Variants in RNF170 observed in about 807,000 individuals in gnomAD.
RNF170 encodes ring finger protein 170.
In RNF170, 12 loss-of-function variants were observed where a neutral mutation model predicts 32.7. The ratio of observed to expected loss-of-function variants is 0.37; its 90% CI spans 0.24 to 0.60. The LOEUF (loss-of-function observed/expected upper bound fraction) is 0.60, where lower values mean the gene tolerates loss of function less well. RNF170 is among the 20% of genes least tolerant of loss of function. The pLI is 0.72. For synonymous variants in RNF170, 91 were observed against 103.6 expected (o/e 0.88, Z 0.74); for missense variants, 212 against 311.2 (o/e 0.68, Z 2.40).
Position 42,853,302 on chromosome 8 carries a change from GT to G in RNF170, c.*2856del. ...AACAGAAAAATAACACCTTTAAAAT[GT>G]TTTAGATATGTTGCTTTTATTCAAA... On this transcript the variant is annotated 3_prime_UTR_variant, in exon 7 of 7. Transcript: ENST00000527424. 1 of 1,180,886 alleles carries G rather than the reference GT, an allele frequency of 8.5e-7. No individual in the cohort carries two copies. Among genetic ancestry groups the G allele is most frequent in the Non-Finnish European group, 1.1e-6 (1 of 930,590 alleles). The allele number at this position is 1,180,886 out of a possible 1,614,324, so 73.2% of individuals were successfully genotyped here. A position where few individuals can be genotyped will look rare whatever the true frequency, so the allele number is the denominator to read the frequency against.
chr8:42,882,907 C>CA (rs1805527147), intron 2 of RNF170, among the ~76,000 whole-genome samples: 1 of 151,872 alleles, frequency 6.6e-6, no homozygotes, highest in African/African-American at 2.4e-5. Flanking sequence ...ACCAAAAATA[C>CA]AAAAAAATAG....
chr8:42,888,664 A>T (rs1806038124), intron 1 of RNF170, among the ~76,000 whole-genome samples: 1 of 152,186 alleles, frequency 6.6e-6, no homozygotes, highest in Admixed American at 6.5e-5. Context: ...AGGCTAAGGC[A>T]GGAGAATCGC....
chr8:42,872,656 T>C (rs560670280), intron 3 of RNF170, among the ~76,000 whole-genome samples: 11 of 151,994 alleles, frequency 7.2e-5, no homozygotes, highest in Non-Finnish European at 1.2e-4. Context: ...TTGGCCAGGA[T>C]GGTCTTGATC....
rs1168055178 is a variant in RNF170, at chr8:42,854,515, T to C, written c.*1644A>G. ...AACCTGCTTTAATTATAATGTGCTA[T>C]GTTTAAGCATTATTGTTTTTCTCTA... On this transcript the variant is annotated 3_prime_UTR_variant, in exon 7 of 7. Transcript: ENST00000527424. 1.0e-5 allele frequency: 13 copies of C among 1,286,578 alleles called. No homozygotes were observed. Among genetic ancestry groups the C allele is most frequent in the Non-Finnish European group, 1.3e-5 (13 of 988,202 alleles). The allele number at this position is 1,286,578 out of a possible 1,614,324, so 79.7% of individuals were successfully genotyped here.
In RNF170 at chr8:42,855,842, T is replaced by C. The variant is rs577543690; in HGVS notation, c.*317A>G. On this transcript the variant is annotated 3_prime_UTR_variant, in exon 7 of 7. Coordinates refer to ENST00000527424, the MANE Select transcript of RNF170 (RefSeq NM_030954.4). ...AATATTTTACTATACATCTAATTAA[T>C]CTAAGTAATTCTGGGGAAAAGAAAA... The C allele has an allele frequency of 1.7e-6, 2 of 1,201,498 alleles. No individual in the cohort carries two copies. Among genetic ancestry groups the C allele is most frequent in the South Asian group, 2.7e-5 (2 of 73,096 alleles). The allele number at this position is 1,201,498 out of a possible 1,614,324, so 74.4% of individuals were successfully genotyped here.
chr8:42,875,380 A>G (rs1395023684), intron 2 of RNF170, among the ~76,000 whole-genome samples: 1 of 152,224 alleles, frequency 6.6e-6, no homozygotes, highest in Non-Finnish European at 1.5e-5. Flanking sequence ...TCCAACAGAC[A>G]TAAGGACTCT....
At chr8:42,862,956 G>A (rs1205278447) in intron 5 of RNF170, among the ~76,000 whole-genome samples, 2 of 152,182 alleles carry the variant, frequency 1.3e-5, no homozygotes, top group African/African-American at 2.4e-5. Flanking sequence ...CTGTGAGAGC[G>A]AGGATCTCTT....
rs967874816 is a variant in RNF170 at position 42,896,604 on chromosome 8, G to A, written c.-128C>T. 2.2e-6 allele frequency: 1 copy of A among 453,590 alleles called. No individual in the cohort carries two copies. Among genetic ancestry groups the A allele is most frequent in the African/African-American group, 2.0e-5 (1 of 49,924 alleles). 28.1% of individuals were successfully genotyped at this position (453,590 alleles called of 1,614,324 possible). Reference sequence around the variant, plus strand: ...AGACGTCCCCTTTCTAATTTGGAGTGCGGGTGCGGGCGCACGCGCACTGCC... The same window carrying A: ...AGACGTCCCCTTTCTAATTTGGAGTACGGGTGCGGGCGCACGCGCACTGCC... On this transcript the variant is annotated 5_prime_UTR_variant, in exon 1 of 7. Coordinates refer to ENST00000527424, the MANE Select transcript of RNF170 (RefSeq NM_030954.4).
intron 1 of RNF170, among the ~76,000 whole-genome samples, chr8:42,892,224 CCCAGGCTGGAGTGCAG>C (rs1806361227): frequency 6.6e-6 from 1 of 152,174 alleles, no homozygotes; most frequent in African/African-American, 2.4e-5. Flanking sequence ...TGTTCTGTCA[CCCAGGCTGGAGTGCAG>C]TGGTGCACCC....
At position 42,890,557 on chromosome 8, in the gene RNF170, G is replaced by A. The variant is rs193172201; in HGVS notation, c.-7-2686C>T. Among the ~76,000 whole-genome samples, 85 of 152,228 alleles carry A rather than the reference G, an allele frequency of 5.6e-4. 1 individual carries two copies. The highest frequency in any genetic ancestry group is 1.3e-4 in the Non-Finnish European group (9 of 68,014). The stretch of plus-strand genomic sequence containing the variant: ...CTCCCAAAGTGCTGGGATTACAGGT[G>A]TGAGCCACTGCACCCGGCCTGTGAT... On this transcript the variant is annotated intron_variant, in intron 1 of 6. Coordinates refer to ENST00000527424, the MANE Select transcript of RNF170 (RefSeq NM_030954.4).
At chr8:42,861,936 T>C in intron 5 of RNF170, 81 bp from the exon 6 acceptor site, 1 of 1,386,156 alleles carries the variant, frequency 7.2e-7, no homozygotes, top group Non-Finnish European at 9.7e-7. Context: ...TTCAATAGAA[T>C]GATAAAGGCT....
chr8:42,851,266 A>C (rs1802933961), downstream of RNF170, among the ~76,000 whole-genome samples: 1 of 152,160 alleles, frequency 6.6e-6, no homozygotes, highest in Non-Finnish European at 1.5e-5. Flanking sequence ...GATGGTTATA[A>C]GAGTAAGAGA....
intron 4 of RNF170, among the ~76,000 whole-genome samples, chr8:42,866,447 A>G (rs186035042): frequency 2.4e-3 from 367 of 151,824 alleles, no homozygotes; most frequent in African/African-American, 6.0e-3. Flanking sequence ...GCTACTTGGG[A>G]GGCTGAGGCA....
rs1286330290 is a variant in RNF170, at chr8:42,873,563, A to T, written c.213+368T>A. ...GAAAAAAGGAGAAAAAAAAACAAAAAACAAAACAGCCACCTCTTCTAGTTA... is the reference window on the plus strand; with the variant it reads ...GAAAAAAGGAGAAAAAAAAACAAAATACAAAACAGCCACCTCTTCTAGTTA... On this transcript the variant is annotated intron_variant, in intron 3 of 6. Transcript: ENST00000527424. Among the ~76,000 whole-genome samples the T allele has an allele frequency of 2.0e-5, 3 of 152,190 alleles. No individual in the cohort carries two copies. In the East Asian group the frequency reaches 5.8e-4, roughly 29 times the overall value.
chr8:42,890,806 T>C (rs1806238917), intron 1 of RNF170, among the ~76,000 whole-genome samples: 1 of 152,060 alleles, frequency 6.6e-6, no homozygotes, highest in Non-Finnish European at 1.5e-5. Context: ...GACCTGCTTG[T>C]TGGGGGCTTC....
At chr8:42,892,061 T>C (rs1423323037) in intron 1 of RNF170, among the ~76,000 whole-genome samples, 1 of 152,218 alleles carries the variant, frequency 6.6e-6, no homozygotes, top group Non-Finnish European at 1.5e-5. Context: ...TGACGGTGCC[T>C]ACTCCGGAGG....
In RNF170 at chr8:42,861,893, G is replaced by A. The variant is rs372049402; in HGVS notation, c.397-38C>T. ...GAAAAAAAAATTATTTCAACTTTCT[G>A]CATCATTATGTTTTTTTCATTTTGT... On this transcript the variant is annotated intron_variant, in intron 5 of 6. Transcript: ENST00000527424. 9 of 1,548,900 alleles carry A rather than the reference G, an allele frequency of 5.8e-6. No individual in the cohort carries two copies. In the African/African-American group the frequency reaches 1.2e-4, roughly 21 times the overall value.
chr8:42,863,634 G>T (rs1003574888), intron 5 of RNF170, among the ~76,000 whole-genome samples: 2 of 152,032 alleles, frequency 1.3e-5, no homozygotes, highest in Admixed American at 6.6e-5. Flanking sequence ...TACAGACTGG[G>T]TTTCACCATG....
chr8:42,851,076 C>G, downstream of RNF170: 2 of 1,530,046 alleles, frequency 1.3e-6, no homozygotes, highest in Non-Finnish European at 1.8e-6. Context: ...TCCAAATCAA[C>G]AGCCTTCCTG....
Sources: allele counts gnomAD v4.1 joint callset (sites outside exome capture counted in the v4.1 genomes callset), GRCh38; gene constraint gnomAD v4.1.1; transcripts MANE v1.5; gene names NCBI Gene and HGNC (gene_info 2026-07-23, HGNC 2026-07-21).